Variants in POC5 observed in about 807,000 individuals in gnomAD.
POC5 encodes centrosomal protein POC5.
POC5 carries 48 observed loss-of-function variants against 62.9 expected under a neutral mutation model. That is an observed-to-expected ratio of 0.76 (90% CI 0.61 to 0.97). The LOEUF (loss-of-function observed/expected upper bound fraction) is 0.97, where lower values mean the gene tolerates loss of function less well. POC5 is among the 50% of genes least tolerant of loss of function. The pLI, the probability that POC5 is intolerant of heterozygous loss-of-function variation, is 0.00. For missense variants in POC5, 696 were observed against 679.5 expected, an observed-to-expected ratio of 1.02 and a Z score of -0.27; for synonymous variants, 236 against 228.2, an observed-to-expected ratio of 1.03 and a Z score of -0.31.
At chr5:75,688,176 T>C (rs1034329988) in intron 9 of POC5, among the ~76,000 whole-genome samples, 2 of 152,232 alleles carry the variant, frequency 1.3e-5, no homozygotes, top group Non-Finnish European at 2.9e-5. Flanking sequence ...ATTGAAATCA[T>C]GTTAATCATT....
At chr5:75,694,526 C>T (rs1748275469) in intron 6 of POC5, 129 bp downstream of exon 6, 3 of 715,840 alleles carry the variant, frequency 4.2e-6, no homozygotes, top group African/African-American at 1.9e-5. Context: ...AATCCAATGG[C>T]TATGAATTTT....
rs750562788 is a variant in POC5, at chr5:75,677,927, A to G, written c.1431T>C (p.Ser477=). ...EEMYVPRVVT[S]AQQKAGRTIT... is the part of the protein sequence containing the mutation. ...TAGTTCTTCCTGCTTTCTGTTGTGC[A>G]GAGGTTACAACTCTTGGCACATACT... is the stretch of plus-strand genomic sequence containing the variant. Residue 477 remains serine (S), a synonymous_variant, in exon 11 of 12, where the codon TCT becomes TCC. Transcript: ENST00000428202. The G allele has an allele frequency of 3.1e-6, 5 of 1,603,172 alleles. No homozygotes were observed. The East Asian group carries it at 1.1e-4, about 36-fold the overall frequency.
Position 75,685,400 on chromosome 5 carries a change from G to C in POC5, c.1214C>G (p.Ala405Gly). Residue 405 changes from alanine to glycine, a missense_variant, in exon 10 of 12, where the codon GCT (alanine) becomes GGT (glycine). Transcript: ENST00000428202. ...KEHSAHLDPS[A>G]PPMPLPVTSP... ...TGTAACTGGTAAGGGCATCGGAGGA[G>C]CTGAAGGATCCAAATGAGCAGAATG... 1 of 1,614,008 alleles carries C rather than the reference G, an allele frequency of 6.2e-7. No homozygotes were observed.
At chr5:75,716,383 TGGGGGGG>T (rs34043513) in intron 1 of POC5, among the ~76,000 whole-genome samples, 2 of 50,410 alleles carry the variant, frequency 4.0e-5, no homozygotes, top group African/African-American at 1.4e-4. Flanking sequence ...GTAACAGGGG[TGGGGGGG>T]GGGGGGTGCT....
Position 75,717,334 on chromosome 5 carries a change from C to G in POC5, c.-43G>C. 6.6e-6 allele frequency: 1 copy of G among 152,290 alleles called. No homozygotes were observed. Among genetic ancestry groups the G allele is most frequent in the East Asian group, 1.9e-4 (1 of 5,198 alleles). The allele number at this position is 152,290 out of a possible 1,614,324, so 9.4% of individuals were successfully genotyped here. On this transcript the variant is annotated 5_prime_UTR_variant, in exon 1 of 12. Coordinates refer to ENST00000428202, the MANE Select transcript of POC5 (RefSeq NM_001099271.2). ...CGCCGCTCGCGACCAAATCCCGACT[C>G]CTCGCTCTGCGCCTCTTAGCCGCGT...
intron 4 of POC5, among the ~76,000 whole-genome samples, chr5:75,704,487 G>C (rs1239160706): frequency 1.3e-5 from 2 of 152,064 alleles, no homozygotes; most frequent in African/African-American, 4.8e-5. Flanking sequence ...ACAAGGTCTG[G>C]GCTAGTCATA....
In POC5 at chr5:75,690,440, T is replaced by G; in HGVS notation, c.918A>C (p.Ala306=). 1.2e-6 allele frequency: 2 copies of G among 1,612,598 alleles called. No homozygotes were observed. Among genetic ancestry groups the G allele is most frequent in the Non-Finnish European group, 8.5e-7 (1 of 1,179,272 alleles). ...WKDVVERACQ[A]RAEEVCIQIS... ...TCTGGATACAAACTTCTTCAGCTCT[T>G]GCTTGACAAGCTCTTTCTACCACAT... Residue 306 remains alanine, a synonymous_variant, in exon 8 of 12, where the codon GCA becomes GCC. Transcript: ENST00000428202.
At chr5:75,692,285 A>T in intron 7 of POC5, 111 bp downstream of exon 7, 1 of 710,374 alleles carries the variant, frequency 1.4e-6, no homozygotes, top group Non-Finnish European at 2.1e-6. Flanking sequence ...GAGGAACATT[A>T]AATCACAAAT....
intron 10 of POC5, among the ~76,000 whole-genome samples, chr5:75,684,302 T>C (rs1775994867): frequency 7.2e-6 from 1 of 139,644 alleles, no homozygotes; most frequent in Non-Finnish European, 1.6e-5. Flanking sequence ...CACCCAATAG[T>C]GTTCTTCAAA....
chr5:75,703,067 C>T (rs17563877), intron 4 of POC5, among the ~76,000 whole-genome samples: 24,042 of 152,138 alleles, frequency 0.16, 2,249 homozygotes, highest in South Asian at 0.21. Context: ...AGATAAGGAT[C>T]CTTCATATAT....
intron 3 of POC5, 60 bp from the exon 4 acceptor site, chr5:75,705,847 C>A: frequency 9.5e-7 from 1 of 1,054,632 alleles, no homozygotes; most frequent in South Asian, 1.6e-5. Flanking sequence ...AATGTCTAAT[C>A]ACACATAATT....
intron 9 of POC5, among the ~76,000 whole-genome samples, chr5:75,685,870 T>C (rs1406851459): frequency 6.6e-6 from 1 of 152,212 alleles, no homozygotes; most frequent in Non-Finnish European, 1.5e-5. Context: ...ACAAATATCC[T>C]GATAGATGGC....
chr5:75,674,413 C>A lies in POC5; in HGVS notation c.*22G>T, dbSNP rs761043240. Reference sequence around the variant, plus strand: ...TGGTAAGACCAGAGGGATTAAAAGACCCCACTATGGACATATTCACTTTAG... The same window carrying A: ...TGGTAAGACCAGAGGGATTAAAAGAACCCACTATGGACATATTCACTTTAG... On this transcript the variant is annotated 3_prime_UTR_variant, in exon 12 of 12. Transcript: ENST00000428202. 1.2e-6 allele frequency: 2 copies of A among 1,610,402 alleles called. No homozygotes were observed. The highest frequency in any genetic ancestry group is 3.4e-5 in the Admixed American group (2 of 59,472).
intron 9 of POC5, among the ~76,000 whole-genome samples, chr5:75,687,649 A>C (rs1268156285): frequency 6.6e-6 from 1 of 152,230 alleles, no homozygotes; most frequent in Non-Finnish European, 1.5e-5. Flanking sequence ...GTTGCATTTC[A>C]ATTTACATTT....
intron 1 of POC5, among the ~76,000 whole-genome samples, chr5:75,714,954 A>G (rs960000277): frequency 6.6e-6 from 1 of 152,126 alleles, no homozygotes; most frequent in African/African-American, 2.4e-5. Flanking sequence ...CACCTATAAA[A>G]AAGGAATGTG....
chr5:75,706,542 T>C (rs925803066), intron 3 of POC5, among the ~76,000 whole-genome samples: 1 of 151,946 alleles, frequency 6.6e-6, no homozygotes, highest in Non-Finnish European at 1.5e-5. Flanking sequence ...CCTTGAACTG[T>C]TGACTACAGC....
At chr5:75,685,116 C>T (rs965730784) in intron 10 of POC5, 91 bp downstream of exon 10, 3 of 1,362,918 alleles carry the variant, frequency 2.2e-6, no homozygotes, top group Non-Finnish European at 3.0e-6. Context: ...ATCCACCTGC[C>T]TCGGCCTCCC....
intron 5 of POC5, among the ~76,000 whole-genome samples, chr5:75,696,388 G>C (rs1219479519): frequency 6.6e-6 from 1 of 152,162 alleles, no homozygotes; most frequent in Non-Finnish European, 1.5e-5. Context: ...CCTGCCTCAA[G>C]TGGGTCCCTG....
At chr5:75,693,920 A>T (rs950167731) in intron 6 of POC5, among the ~76,000 whole-genome samples, 1 of 152,236 alleles carries the variant, frequency 6.6e-6, no homozygotes, top group African/African-American at 2.4e-5. Flanking sequence ...ATTCTTAAGA[A>T]GCTAAAGGAA....
Sources: gnomAD v4.1 joint callset for allele counts (sites outside exome capture counted in the v4.1 genomes callset) on GRCh38, gnomAD v4.1.1 for gene constraint, MANE v1.5 for transcripts, NCBI Gene and HGNC (gene_info 2026-07-23, HGNC 2026-07-21) for gene names.